Variants in BORA observed in about 807,000 individuals in gnomAD.
BORA encodes protein aurora borealis.
In BORA, 26 loss-of-function variants were observed where a neutral mutation model predicts 55.8. The ratio of observed to expected loss-of-function variants is 0.47; its 90% CI spans 0.34 to 0.65. BORA has a LOEUF of 0.65. Ranked by LOEUF, BORA falls within the 30% of genes least tolerant of loss-of-function variation. BORA has a pLI of 0.01. For missense variants in BORA, 568 were observed against 671.5 expected (o/e 0.85, Z 1.70); for synonymous variants, 201 against 216.9 (o/e 0.93, Z 0.64).
intron 3 of BORA, among the ~76,000 whole-genome samples, chr13:72,732,085 T>C (rs1239949489): frequency 6.6e-6 from 1 of 152,178 alleles, no homozygotes; most frequent in Non-Finnish European, 1.5e-5. Flanking sequence ...TTTTTAATAT[T>C]TGAAAAAAAT....
intron 5 of BORA, among the ~76,000 whole-genome samples, chr13:72,742,161 C>A (rs2033045027): frequency 6.6e-6 from 1 of 151,738 alleles, no homozygotes; most frequent in South Asian, 2.1e-4. Flanking sequence ...TATTCAGCAA[C>A]CCACTTACCC....
rs534238971 is a variant in BORA at position 72,727,960 on chromosome 13, C to G, written c.-63C>G. 11 of 1,550,596 alleles carry G rather than the reference C, an allele frequency of 7.1e-6. No individual in the cohort carries two copies. Among genetic ancestry groups the G allele is most frequent in the Non-Finnish European group, 8.7e-6 (10 of 1,146,984 alleles). ...CCTGTCGTGGAAGCTGGCCTGGCCC[C>G]CGGAGCTCCCTGGAGTCGGTACTGG... On this transcript the variant is annotated 5_prime_UTR_variant, in exon 1 of 12. Coordinates refer to ENST00000390667, the MANE Select transcript of BORA (RefSeq NM_024808.5).
At chr13:72,731,193 A>G in intron 2 of BORA, 88 bp from the exon 3 acceptor site, 1 of 759,934 alleles carries the variant, frequency 1.3e-6, no homozygotes, top group East Asian at 2.7e-5. Flanking sequence ...TCATATTATA[A>G]CCATTCATAT....
In BORA at chr13:72,740,186, A is replaced by G. The variant is rs996281451; in HGVS notation, c.388+2143A>G. On this transcript the variant is annotated intron_variant, in intron 5 of 11. Transcript: ENST00000390667. Reference sequence around the variant, plus strand: ...GTATGAGAAAGTCCAGCTTGTATGCAGAATTATAAGAATTCACTGCACTGG... The same window carrying G: ...GTATGAGAAAGTCCAGCTTGTATGCGGAATTATAAGAATTCACTGCACTGG... Among the ~76,000 whole-genome samples, 7 of 152,344 alleles carry G rather than the reference A, an allele frequency of 4.6e-5. No individual in the cohort carries two copies. In the South Asian group the frequency reaches 8.3e-4, roughly 18 times the overall value.
At chr13:72,738,221 G>GT (rs913445518) in intron 5 of BORA, among the ~76,000 whole-genome samples, 178 bp downstream of exon 5, 1 of 152,086 alleles carries the variant, frequency 6.6e-6, no homozygotes, top group African/African-American at 2.4e-5. Flanking sequence ...TTATTGAATT[G>GT]TTTTTTAGCT....
rs758899362 is a variant in BORA at position 72,738,053 on chromosome 13, C to T, written c.388+10C>T. ...TGTCATTCCAGTAAATGTGAGTGTA[C>T]TAAAAATGATATGAATAAAAATCAA... is the stretch of plus-strand genomic sequence containing the variant. On this transcript the variant is annotated intron_variant, in intron 5 of 11. Transcript: ENST00000390667. 5 of 1,569,410 alleles carry T rather than the reference C, an allele frequency of 3.2e-6. No homozygotes were observed. Among genetic ancestry groups the T allele is most frequent in the Non-Finnish European group, 4.3e-6 (5 of 1,149,678 alleles).
At chr13:72,747,405 G>T (rs954634464) in intron 10 of BORA, among the ~76,000 whole-genome samples, 2 of 152,074 alleles carry the variant, frequency 1.3e-5, no homozygotes, top group Non-Finnish European at 2.9e-5. Context: ...AGTCAGGCAG[G>T]ATTCATCACT....
intron 10 of BORA, among the ~76,000 whole-genome samples, chr13:72,749,369 T>G (rs1019144422): frequency 6.6e-5 from 10 of 152,328 alleles, no homozygotes; most frequent in Middle Eastern, 3.4e-3. Context: ...ATTATACTCT[T>G]CACTCAGAAT....
intron 10 of BORA, 56 bp downstream of exon 10, chr13:72,747,167 T>C: frequency 6.5e-7 from 1 of 1,543,474 alleles, no homozygotes; most frequent in Non-Finnish European, 8.8e-7. Flanking sequence ...TTCTTTATCC[T>C]TTCTAAGATT....
chr13:72,729,783 T>C (rs1050831523), intron 2 of BORA, among the ~76,000 whole-genome samples: 1 of 148,488 alleles, frequency 6.7e-6, no homozygotes, highest in Non-Finnish European at 1.5e-5. Flanking sequence ...ACTGTCAAAA[T>C]AATTCTTAGC....
chr13:72,740,471 A>C (rs1191880904), intron 5 of BORA, among the ~76,000 whole-genome samples: 2 of 152,130 alleles, frequency 1.3e-5, no homozygotes, highest in East Asian at 3.9e-4. Flanking sequence ...TTAAAAATGG[A>C]GTTCCCCATT....
At chr13:72,749,052 G>A (rs1347823570) in intron 10 of BORA, among the ~76,000 whole-genome samples, 1 of 152,108 alleles carries the variant, frequency 6.6e-6, no homozygotes, top group Non-Finnish European at 1.5e-5. Context: ...TACTAAAAAT[G>A]TTTCATACAT....
chr13:72,745,816 CTT>C (rs1270051719), intron 8 of BORA, 126 bp from the exon 9 acceptor site: 4 of 699,944 alleles, frequency 5.7e-6, no homozygotes, highest in African/African-American at 5.6e-5. Flanking sequence ...TGCAAGGTGT[CTT>C]TTGGTGGTTC....
intron 4 of BORA, among the ~76,000 whole-genome samples, 162 bp from the exon 5 acceptor site, chr13:72,737,800 T>C (rs2032958535): frequency 6.6e-6 from 1 of 152,228 alleles, no homozygotes; most frequent in Non-Finnish European, 1.5e-5. Flanking sequence ...TATATATACT[T>C]TAAATTTCTT....
chr13:72,729,112 G>C lies in BORA; in HGVS notation c.153+19G>C, dbSNP rs935696613. 1 of 1,503,760 alleles carries C rather than the reference G, an allele frequency of 6.6e-7. No individual in the cohort carries two copies. The highest frequency in any genetic ancestry group is 8.9e-7 in the Non-Finnish European group (1 of 1,122,462). The allele number at this position is 1,503,760 out of a possible 1,614,324, so 93.2% of individuals were successfully genotyped here. On this transcript the variant is annotated intron_variant, in intron 2 of 11. Coordinates refer to ENST00000390667, the MANE Select transcript of BORA (RefSeq NM_024808.5). The stretch of plus-strand genomic sequence containing the variant: ...ATTACCAGTAAGTTATTCCTGACTA[G>C]TGTTTACAACTAATTTTAAATGTAA...
intron 10 of BORA, among the ~76,000 whole-genome samples, chr13:72,748,519 T>C (rs2033197167): frequency 6.6e-6 from 1 of 152,228 alleles, no homozygotes; most frequent in African/African-American, 2.4e-5. Context: ...GACCCAAAAT[T>C]AAATATAGTA....
intron 9 of BORA, among the ~76,000 whole-genome samples, 156 bp downstream of exon 9, chr13:72,746,232 C>T (rs192553543): frequency 1.4e-4 from 22 of 152,282 alleles, no homozygotes; most frequent in African/African-American, 5.3e-4. Context: ...GAACAGTTTA[C>T]CTTCAAAGGC....
At chr13:72,736,217 A>G (rs1371809043) in intron 4 of BORA, among the ~76,000 whole-genome samples, 2 of 152,096 alleles carry the variant, frequency 1.3e-5, no homozygotes, top group African/African-American at 4.8e-5. Flanking sequence ...AAGAATCCTT[A>G]ATTTTAAAGA....
chr13:72,744,322 G>C (rs1395970895), intron 6 of BORA, among the ~76,000 whole-genome samples, 183 bp from the exon 7 acceptor site: 1 of 152,234 alleles, frequency 6.6e-6, no homozygotes, highest in Non-Finnish European at 1.5e-5. Flanking sequence ...GTTGCGGAGA[G>C]TGTGGGAAAC....
Sources: allele counts gnomAD v4.1 joint callset (sites outside exome capture counted in the v4.1 genomes callset), GRCh38; gene constraint gnomAD v4.1.1; transcripts MANE v1.5; gene names NCBI Gene and HGNC (gene_info 2026-07-23, HGNC 2026-07-21).